Variants in GTF3C1 observed in about 807,000 individuals in gnomAD.
GTF3C1 encodes the protein general transcription factor IIIC subunit 1, also known as general transcription factor 3C polypeptide 1.
A neutral mutation model predicts 226.7 loss-of-function variants in GTF3C1; 57 were observed. The ratio of observed to expected loss-of-function variants is 0.25; its 90% CI spans 0.20 to 0.31. The LOEUF is 0.31. Ranked by LOEUF, GTF3C1 falls within the 10% of genes least tolerant of loss-of-function variation. GTF3C1 has a pLI of 1.00. For synonymous variants in GTF3C1, 1,090 were observed against 1,084.8 expected, an observed-to-expected ratio of 1.00 and a Z score of -0.09; for missense variants, 2,217 against 2,776.1, an observed-to-expected ratio of 0.80 and a Z score of 4.53.
intron 6 of GTF3C1, among the ~76,000 whole-genome samples, chr16:27,523,503 T>C (rs921186911): frequency 3.9e-5 from 6 of 152,142 alleles, no homozygotes; most frequent in African/African-American, 1.4e-4. Flanking sequence ...ATGTTAATTT[T>C]GCAAACTGGA....
At position 27,545,380 on chromosome 16, in the gene GTF3C1, T is replaced by C; in HGVS notation, c.365A>G (p.Asn122Ser). The change falls in exon 2 of 37, where the codon AAC becomes AGC. Residue 122 changes from asparagine (N) to serine (S), a missense_variant. This residue lies in a region of GTF3C1 where 192 missense variants were observed against 251.8 expected (regional missense o/e 0.76). Transcript: ENST00000356183. ...CTTGGTTCTGATGTCATTGGTAATG[T>C]TTTTCCTCTCCTTAAAGTAGCGGCA... is the stretch of plus-strand genomic sequence containing the variant. ...GSCRYFKERK[N>S]ITNDIRTKSL... is the part of the protein sequence containing the mutation. 2.5e-6 allele frequency: 4 copies of C among 1,613,880 alleles called. No individual in the cohort carries two copies. Among genetic ancestry groups the C allele is most frequent in the Non-Finnish European group, 3.4e-6 (4 of 1,179,732 alleles).
chr16:27,470,118 C>A lies in GTF3C1; in HGVS notation c.4804G>T (p.Val1602Phe). The A allele has an allele frequency of 1.9e-6, 3 of 1,613,292 alleles. No individual in the cohort carries two copies. The highest frequency in any genetic ancestry group is 2.5e-6 in the Non-Finnish European group (3 of 1,179,450). ...ATGCCGGACTCTTACCTTTTGATGA[C>A]CTCATTCTCCACCATTGAGCTGTCT... ...VVDSSMVENE[V>F]IKSLGKDGSL... The change falls in exon 31 of 37, where the codon GTC becomes TTC. Residue 1602 changes from valine to phenylalanine, a missense_variant. This residue lies in a region of GTF3C1 where 546 missense variants were observed against 663.0 expected (regional missense o/e 0.82). Coordinates refer to ENST00000356183, the MANE Select transcript of GTF3C1 (RefSeq NM_001520.4). The surrounding 1 kb of genome is among the most constrained non-coding windows in gnomAD (Gnocchi z 4.9).
At chr16:27,496,896 G>C (rs946686020) in intron 14 of GTF3C1, among the ~76,000 whole-genome samples, 4 of 152,204 alleles carry the variant, frequency 2.6e-5, no homozygotes, top group African/African-American at 9.7e-5. Flanking sequence ...CTGTCTAGTT[G>C]CATGCACTCA....
chr16:27,515,911 A>G lies in GTF3C1; in HGVS notation c.974-4010T>C, dbSNP rs562468221. ...TAACCCATAAAATCCCACAACCCCA[A>G]GGCAGGCAGGCCCCTGTAAGCTCCA... On this transcript the variant is annotated intron_variant, in intron 6 of 36. Coordinates refer to ENST00000356183, the MANE Select transcript of GTF3C1 (RefSeq NM_001520.4). Among the ~76,000 whole-genome samples the G allele has an allele frequency of 2.1e-4, 32 of 152,304 alleles. No individual in the cohort carries two copies. In the South Asian group the frequency reaches 5.8e-3, roughly 28 times the overall value.
At position 27,528,623 on chromosome 16, in the gene GTF3C1, T is replaced by C. The variant is rs1415233844; in HGVS notation, c.948A>G (p.Glu316=). ...CTTTCTTTGTCTTACAAGGTCCACA[T>C]TCAGGGTGGATCTCTTGCAAGCGAA... is the stretch of plus-strand genomic sequence containing the variant. ...VSLRLQEIHP[E]CGPCKTKKGT... is the part of the protein sequence containing the mutation. Residue 316 remains glutamate (E), a synonymous_variant, in exon 6 of 37, where the codon GAA becomes GAG. Coordinates refer to ENST00000356183, the MANE Select transcript of GTF3C1 (RefSeq NM_001520.4). 2 of 1,611,324 alleles carry C rather than the reference T, an allele frequency of 1.2e-6. No individual in the cohort carries two copies. Among genetic ancestry groups the C allele is most frequent in the East Asian group, 2.2e-5 (1 of 44,876 alleles).
chr16:27,461,615 G>T lies in GTF3C1; in HGVS notation c.6118-53C>A. The T allele has an allele frequency of 2.2e-6, 3 of 1,344,110 alleles. No homozygotes were observed. Among genetic ancestry groups the T allele is most frequent in the South Asian group, 2.4e-5 (2 of 85,020 alleles). The allele number at this position is 1,344,110 out of a possible 1,614,324, so 83.3% of individuals were successfully genotyped here. On this transcript the variant is annotated intron_variant, in intron 36 of 36. Coordinates refer to ENST00000356183, the MANE Select transcript of GTF3C1 (RefSeq NM_001520.4). This position sits in a 1 kb window ranked among gnomAD's most constrained non-coding sequence, Gnocchi z 5.3. ...GCGGCACTGCCCTCGCCTGCTTGTT[G>T]ATTTATTCTTCAAGCATTTATGGAA...
chr16:27,470,048 T>C lies in GTF3C1; in HGVS notation c.4814+60A>G. The C allele has an allele frequency of 7.2e-7, 1 of 1,388,994 alleles. No homozygotes were observed. 86.0% of individuals were successfully genotyped at this position (1,388,994 alleles called of 1,614,324 possible). On this transcript the variant is annotated intron_variant, in intron 31 of 36. Transcript: ENST00000356183. This position sits in a 1 kb window ranked among gnomAD's most constrained non-coding sequence, Gnocchi z 4.9. ...AAGGCACTGCTGACCCCTGCCCGTC[T>C]GTATCTGGCCAATGCCTAGCACGTG... is the stretch of plus-strand genomic sequence containing the variant.
chr16:27,542,719 C>G (rs1328035229), intron 2 of GTF3C1, among the ~76,000 whole-genome samples: 2 of 152,116 alleles, frequency 1.3e-5, no homozygotes, highest in Admixed American at 1.3e-4. Context: ...AATGGATTAG[C>G]TCCGGTGAGA....
In GTF3C1 at chr16:27,497,473, GGAA is replaced by G. The variant is rs766510600; in HGVS notation, c.2350+161_2350+163del. On this transcript the variant is annotated intron_variant, in intron 14 of 36. Transcript: ENST00000356183. ...TTTTGCAGATAGACAAACAGATGCT[GGAA>G]GAAGTTATGCGGCCAGAGTAACAGG... 9.8e-5 allele frequency among the ~76,000 whole-genome samples: 15 copies of G among 152,330 alleles called. No homozygotes were observed. The East Asian group carries it at 1.9e-3, about 20-fold the overall frequency.
chr16:27,500,774 C>T (rs920134144), intron 12 of GTF3C1, among the ~76,000 whole-genome samples: 18 of 152,248 alleles, frequency 1.2e-4, no homozygotes, highest in African/African-American at 4.1e-4. Context: ...TCGGATAACC[C>T]GGCAGCGCAT....
intron 6 of GTF3C1, among the ~76,000 whole-genome samples, chr16:27,513,155 T>C (rs932083622): frequency 2.0e-5 from 3 of 152,186 alleles, no homozygotes; most frequent in Admixed American, 1.3e-4. Context: ...CTCAATGTAG[T>C]ATCACAGAGT....
At chr16:27,491,623 T>G (rs1212606811) in intron 19 of GTF3C1, among the ~76,000 whole-genome samples, 1 of 152,164 alleles carries the variant, frequency 6.6e-6, no homozygotes, top group East Asian at 1.9e-4. Flanking sequence ...GAGAGGGGTG[T>G]GGGCAGAGGC....
At chr16:27,548,482 G>A (rs1444902106) in intron 1 of GTF3C1, among the ~76,000 whole-genome samples, 1 of 152,258 alleles carries the variant, frequency 6.6e-6, no homozygotes, top group East Asian at 1.9e-4. Context: ...GGTCAGGCGG[G>A]TCTTGAACTG....
chr16:27,482,963 T>C lies in GTF3C1; in HGVS notation c.4083+81A>G. On this transcript the variant is annotated intron_variant, in intron 26 of 36. Transcript: ENST00000356183. ...ACGTTCCTAAGGCTGGCAGGGGCACTGTGGGATGAGAGGAGCTGACTGAAG... is the reference window on the plus strand; with the variant it reads ...ACGTTCCTAAGGCTGGCAGGGGCACCGTGGGATGAGAGGAGCTGACTGAAG... 13 of 1,178,502 alleles carry C rather than the reference T, an allele frequency of 1.1e-5. No individual in the cohort carries two copies. The South Asian group carries it at 1.6e-4, about 15-fold the overall frequency. 73.0% of individuals were successfully genotyped at this position (1,178,502 alleles called of 1,614,324 possible).
intron 2 of GTF3C1, among the ~76,000 whole-genome samples, chr16:27,538,971 TACACACACAC>T (rs59679436): frequency 3.5e-4 from 44 of 124,620 alleles, no homozygotes; most frequent in East Asian, 7.1e-4. Context: ...TACACACATA[TACACACACAC>T]ACACACACAC....
chr16:27,506,874 G>C lies in GTF3C1; in HGVS notation c.1525C>G (p.Gln509Glu). 2 of 1,612,124 alleles carry C rather than the reference G, an allele frequency of 1.2e-6. No individual in the cohort carries two copies. Among genetic ancestry groups the C allele is most frequent in the Non-Finnish European group, 1.7e-6 (2 of 1,179,534 alleles). Residue 509 changes from glutamine to glutamate, a missense_variant, in exon 9 of 37, where the codon CAG becomes GAG. Around this residue, in one of 12 missense-constraint regions of GTF3C1, gnomAD observed 173 missense variants for 207.2 expected, o/e 0.83. Transcript: ENST00000356183. The part of the protein sequence containing the change: ...RASANLRPKT[Q>E]PHHSTPTKGG... ...TTGGTTGGGGTGGAGTGATGAGGCT[G>C]GGTCTTGGGCCGGAGGTTTGCAGAG... is the stretch of plus-strand genomic sequence containing the variant.
intron 23 of GTF3C1, 71 bp downstream of exon 23, chr16:27,488,156 G>A: frequency 7.3e-7 from 1 of 1,367,084 alleles, no homozygotes; most frequent in Non-Finnish European, 1.0e-6. Context: ...CCTGGCTGGA[G>A]TGAGGCTGTC....
In GTF3C1 at chr16:27,544,274, C is replaced by A. The variant is rs572134017; in HGVS notation, c.431+1040G>T. Among the ~76,000 whole-genome samples the A allele has an allele frequency of 1.3e-4, 20 of 151,984 alleles. 1 individual carries two copies. In the South Asian group the frequency reaches 4.0e-3, roughly 30 times the overall value. On this transcript the variant is annotated intron_variant, in intron 2 of 36. Coordinates refer to ENST00000356183, the MANE Select transcript of GTF3C1 (RefSeq NM_001520.4). Reference sequence around the variant, plus strand: ...TGGTGGTATGCGCCTGTGGTCCCAGCTACTCAGGTGGAAGGTGGGAAGATC... The same window carrying A: ...TGGTGGTATGCGCCTGTGGTCCCAGATACTCAGGTGGAAGGTGGGAAGATC...
chr16:27,474,017 G>A (rs901786616), intron 29 of GTF3C1, among the ~76,000 whole-genome samples: 1 of 152,198 alleles, frequency 6.6e-6, no homozygotes, highest in Non-Finnish European at 1.5e-5. Context: ...GGTGAGTTGG[G>A]GGGTATCGTC....
Sources: allele counts gnomAD v4.1 joint callset (sites outside exome capture counted in the v4.1 genomes callset), GRCh38; gene constraint gnomAD v4.1.1; regional missense constraint gnomAD v4.1.1; non-coding constraint Gnocchi (gnomAD v3.1); transcripts MANE v1.5; gene names NCBI Gene and HGNC (gene_info 2026-07-23, HGNC 2026-07-21).